The following MALRD1 variants were observed in gnomAD, a reference collection of about 807,000 sequenced individuals.
MALRD1 encodes the protein MAM and LDL receptor class A domain containing 1, also known as MAM and LDL-receptor class A domain-containing protein 1.
A neutral mutation model predicts 242.1 loss-of-function variants in MALRD1; 247 were observed. That is an observed-to-expected ratio of 1.02 (90% CI 0.92 to 1.13). MALRD1 has a LOEUF of 1.13. Among genes scored for constraint, MALRD1 ranks in the 50% most tolerant of loss-of-function variants. MALRD1 has a pLI of 0.00. For synonymous variants in MALRD1, 995 were observed against 866.6 expected (o/e 1.15, Z -2.60); for missense variants, 2,989 against 2,533.1 (o/e 1.18, Z -3.86).
At chr10:19,367,776 T>G (rs1041379077) in intron 26 of MALRD1, among the ~76,000 whole-genome samples, 4 of 152,098 alleles carry the variant, frequency 2.6e-5, no homozygotes, top group African/African-American at 9.7e-5. Context: ...TATTTATTTT[T>G]TGTCTTATTG....
chr10:19,098,743 G>A (rs895916457), intron 4 of MALRD1, among the ~76,000 whole-genome samples: 8 of 152,140 alleles, frequency 5.3e-5, no homozygotes, highest in African/African-American at 1.9e-4. Context: ...AATCAAAGAC[G>A]TGAACATACA....
chr10:19,304,044 G>A (rs74676790), intron 21 of MALRD1, among the ~76,000 whole-genome samples: 2,504 of 151,772 alleles, frequency 0.016, 72 homozygotes, highest in African/African-American at 0.057. Context: ...TTATGTCTGG[G>A]TATGTGAGGG....
At chr10:19,530,336 ATAT>A (rs1262665222) in intron 31 of MALRD1, among the ~76,000 whole-genome samples, 1 of 133,288 alleles carries the variant, frequency 7.5e-6, no homozygotes, top group African/African-American at 2.8e-5. Context: ...TAAATATATA[ATAT>A]TTATATAAAT....
At chr10:19,376,542 C>CATTTTTTTTTTTT (rs1554842468) in intron 26 of MALRD1, among the ~76,000 whole-genome samples, 4 of 94,992 alleles carry the variant, frequency 4.2e-5, no homozygotes, top group African/African-American at 1.6e-4. Context: ...TTGATACATT[C>CATTTTTTTTTTTT]TTTTTTTTTT....
chr10:19,531,391 G>T, intron 32 of MALRD1, 40 bp downstream of exon 32: 1 of 1,474,156 alleles, frequency 6.8e-7, no homozygotes. Flanking sequence ...ACTGAAATAT[G>T]CATGACATGT....
At chr10:19,226,022 C>G (rs1031088281) in intron 18 of MALRD1, among the ~76,000 whole-genome samples, 5 of 152,088 alleles carry the variant, frequency 3.3e-5, no homozygotes, top group African/African-American at 9.7e-5. Context: ...CGTGGATTCT[C>G]TCAATATCAG....
chr10:19,116,953 G>C (rs1055561073), intron 5 of MALRD1, among the ~76,000 whole-genome samples: 2 of 151,974 alleles, frequency 1.3e-5, no homozygotes, highest in African/African-American at 4.8e-5. Flanking sequence ...AAATTAGCCA[G>C]GCGTGGTGGC....
intron 19 of MALRD1, among the ~76,000 whole-genome samples, chr10:19,271,476 A>C (rs1375295060): frequency 6.6e-6 from 1 of 152,188 alleles, no homozygotes; most frequent in East Asian, 1.9e-4. Context: ...AGAATTTTAA[A>C]ATGTTAGGCC....
chr10:19,223,873 T>A (rs1220591170), intron 18 of MALRD1, among the ~76,000 whole-genome samples: 1 of 152,208 alleles, frequency 6.6e-6, no homozygotes, highest in Non-Finnish European at 1.5e-5. Flanking sequence ...GCAAAGGACA[T>A]GAATCCATCC....
intron 12 of MALRD1, among the ~76,000 whole-genome samples, chr10:19,163,320 A>G (rs942358880): frequency 1.3e-5 from 2 of 152,070 alleles, no homozygotes; most frequent in South Asian, 4.2e-4. Context: ...ATATGCAGCC[A>G]TAAAAAAAGA....
chr10:19,243,288 A>T lies in MALRD1; in HGVS notation c.2992-14396A>T, dbSNP rs1010508820. On this transcript the variant is annotated intron_variant, in intron 18 of 39. Coordinates refer to ENST00000454679, the MANE Select transcript of MALRD1 (RefSeq NM_001142308.3). ...GTAGACTCCATGGAACATAGGTTCT[A>T]TGTCACAACTAAATCAATTATTTAA... 1.3e-5 allele frequency among the ~76,000 whole-genome samples: 2 copies of T among 152,034 alleles called. 1 individual carries two copies. Among genetic ancestry groups the T allele is most frequent in the Non-Finnish European group, 2.9e-5 (2 of 67,974 alleles).
At chr10:19,426,487 T>C (rs1833908184) in intron 28 of MALRD1, among the ~76,000 whole-genome samples, 1 of 152,156 alleles carries the variant, frequency 6.6e-6, no homozygotes, top group Admixed American at 6.5e-5. Flanking sequence ...TTTTTCCTAC[T>C]AGCCACATGC....
At chr10:19,661,660 G>A (rs1448142429) in intron 36 of MALRD1, among the ~76,000 whole-genome samples, 1 of 152,098 alleles carries the variant, frequency 6.6e-6, no homozygotes, top group East Asian at 1.9e-4. Context: ...GGGAAGGATA[G>A]CATTAGGAGA....
intron 26 of MALRD1, among the ~76,000 whole-genome samples, chr10:19,384,427 CATATATT>C (rs1845979277): frequency 2.0e-5 from 2 of 101,342 alleles, no homozygotes; most frequent in South Asian, 2.7e-4. Flanking sequence ...TAATATTTAC[CATATATT>C]ATATATTATA....
At chr10:19,150,247 A>C (rs560318155) in intron 11 of MALRD1, among the ~76,000 whole-genome samples, 1 of 151,456 alleles carries the variant, frequency 6.6e-6, no homozygotes, top group Non-Finnish European at 1.5e-5. Flanking sequence ...TTTTTTTTGC[A>C]CTCTGGTTGG....
chr10:19,213,307 T>C (rs1837156772), intron 18 of MALRD1, among the ~76,000 whole-genome samples: 1 of 152,212 alleles, frequency 6.6e-6, no homozygotes, highest in Non-Finnish European at 1.5e-5. Context: ...TATTTTATTT[T>C]GAGAGGTGTC....
intron 14 of MALRD1, among the ~76,000 whole-genome samples, chr10:19,182,557 C>G (rs1835556884): frequency 1.3e-5 from 2 of 151,852 alleles, no homozygotes; most frequent in South Asian, 4.2e-4. Context: ...GTCTCGATCT[C>G]CTGACCTCGT....
intron 26 of MALRD1, among the ~76,000 whole-genome samples, chr10:19,362,631 G>A (rs745963712): frequency 9.2e-5 from 14 of 152,072 alleles, no homozygotes; most frequent in Non-Finnish European, 1.9e-4. Flanking sequence ...AGTGGGATAG[G>A]AGGTCAGAGA....
intron 18 of MALRD1, among the ~76,000 whole-genome samples, chr10:19,219,444 T>C (rs1421097921): frequency 6.6e-6 from 1 of 152,174 alleles, no homozygotes; most frequent in African/African-American, 2.4e-5. Context: ...TTCTTCTTTT[T>C]TATTTTTTTG....
Sources: gnomAD v4.1 joint callset for allele counts (sites outside exome capture counted in the v4.1 genomes callset) on GRCh38, gnomAD v4.1.1 for gene constraint, MANE v1.5 for transcripts, NCBI Gene and HGNC (gene_info 2026-07-23, HGNC 2026-07-21) for gene names.